AGFG1: variants seen among roughly 807,000 people sequenced by gnomAD.
The protein encoded by AGFG1 is ArfGAP with FG repeats 1, also known as arf-GAP domain and FG repeat-containing protein 1.
Under a neutral mutation model 60.6 loss-of-function variants are expected in AGFG1, and 10 were observed. The observed-to-expected ratio is 0.16, with a 90% confidence interval of 0.10 to 0.28. The LOEUF is 0.28. Ranked by LOEUF, AGFG1 falls within the 10% of genes least tolerant of loss-of-function variation. AGFG1 has a pLI of 1.00. For synonymous variants in AGFG1, 247 were observed against 242.9 expected, an observed-to-expected ratio of 1.02 and a Z score of -0.16; for missense variants, 537 against 676.5, an observed-to-expected ratio of 0.79 and a Z score of 2.29.
At chr2:227,533,837 A>G (rs976207102) in intron 7 of AGFG1, 79 bp downstream of exon 7, 50 of 1,286,452 alleles carry the variant, frequency 3.9e-5, no homozygotes, top group Non-Finnish European at 5.1e-5. Flanking sequence ...TAAAATCTGA[A>G]CATGCTACAC....
At position 227,472,272 on chromosome 2, in the gene AGFG1, A is replaced by G; in HGVS notation, c.-150A>G. 3.1e-6 allele frequency: 1 copy of G among 327,516 alleles called. No homozygotes were observed. Among genetic ancestry groups the G allele is most frequent in the Non-Finnish European group, 4.4e-6 (1 of 229,072 alleles). 20.3% of individuals were successfully genotyped at this position (327,516 alleles called of 1,614,324 possible). ...GCCCGGGCCGCGTCGAGCCCAGTACAGCCAAGCCGCTGCGGCCGGGTCCGG... is the reference window on the plus strand; with the variant it reads ...GCCCGGGCCGCGTCGAGCCCAGTACGGCCAAGCCGCTGCGGCCGGGTCCGG... On this transcript the variant is annotated 5_prime_UTR_variant, in exon 1 of 13. Transcript: ENST00000310078.
intron 1 of AGFG1, among the ~76,000 whole-genome samples, chr2:227,480,446 C>T (rs1269056626): frequency 2.0e-5 from 3 of 151,956 alleles, no homozygotes; most frequent in Admixed American, 1.3e-4. Flanking sequence ...ATCTCCCAGG[C>T]TGGAGTGCAG....
chr2:227,552,295 A>T (rs78482555), intron 11 of AGFG1, among the ~76,000 whole-genome samples, 178 bp downstream of exon 11: 7,872 of 152,278 alleles, frequency 0.052, 267 homozygotes, highest in African/African-American at 0.082. Context: ...GTGATTTTAC[A>T]AGTTTTTGTG....
chr2:227,480,377 C>T (rs1013458501), intron 1 of AGFG1, among the ~76,000 whole-genome samples: 1 of 151,824 alleles, frequency 6.6e-6, no homozygotes, highest in South Asian at 2.1e-4. Context: ...TCCAAAAATT[C>T]TTGTCTTTCC....
intron 2 of AGFG1, among the ~76,000 whole-genome samples, chr2:227,511,649 AAGAG>A (rs1331830121): frequency 6.6e-6 from 1 of 152,208 alleles, no homozygotes; most frequent in Non-Finnish European, 1.5e-5. Context: ...CAAAAGAAAA[AAGAG>A]AATTTCTATT....
intron 2 of AGFG1, among the ~76,000 whole-genome samples, chr2:227,495,065 GTGTT>G (rs1393275933): frequency 6.6e-6 from 1 of 152,184 alleles, no homozygotes; most frequent in Non-Finnish European, 1.5e-5. Context: ...CTTCTACAGT[GTGTT>G]TGGTGGAGGA....
chr2:227,491,579 C>A lies in AGFG1; in HGVS notation c.200C>A (p.Ser67Tyr). The A allele has an allele frequency of 6.4e-7, 1 of 1,565,574 alleles. No individual in the cohort carries two copies. The highest frequency in any genetic ancestry group is 1.2e-5 in the South Asian group (1 of 80,348). ...RGLNPPHRVK[S>Y]ISMTTFTQQE... is the part of the protein sequence containing the mutation. ...TTAAATCCACCACACAGGGTGAAAT[C>A]TATCTCCATGACAACATTCACACAA... is the stretch of plus-strand genomic sequence containing the variant. The change falls in exon 2 of 13, where the codon TCT (serine) becomes TAT (tyrosine). Residue 67 changes from serine to tyrosine, a missense_variant. This residue lies in a region of AGFG1 where 120 missense variants were observed against 198.5 expected (regional missense o/e 0.60). Coordinates refer to ENST00000310078, the MANE Select transcript of AGFG1 (RefSeq NM_004504.5).
rs564879483 is a variant in AGFG1, at chr2:227,485,152, A to T, written c.168-6395A>T. ...CCATGGTCTTCTCCCTTCCATTGAG[A>T]AGTCTACTACGAGCCAAATTTTGTT... On this transcript the variant is annotated intron_variant, in intron 1 of 12. Coordinates refer to ENST00000310078, the MANE Select transcript of AGFG1 (RefSeq NM_004504.5). 1.1e-4 allele frequency among the ~76,000 whole-genome samples: 17 copies of T among 152,120 alleles called. No individual in the cohort carries two copies. In the East Asian group the frequency reaches 3.3e-3, roughly 29 times the overall value.
intron 10 of AGFG1, among the ~76,000 whole-genome samples, chr2:227,549,358 A>G (rs1034886020): frequency 2.6e-5 from 4 of 152,224 alleles, no homozygotes; most frequent in East Asian, 1.9e-4. Flanking sequence ...CCGAACAAAC[A>G]AAAGGTACTA....
At chr2:227,479,106 A>G (rs1411662901) in intron 1 of AGFG1, among the ~76,000 whole-genome samples, 1 of 152,246 alleles carries the variant, frequency 6.6e-6, no homozygotes, top group African/African-American at 2.4e-5. Flanking sequence ...TTCATTGTGC[A>G]GTAGGCATTA....
chr2:227,475,156 A>T (rs930172995), intron 1 of AGFG1, among the ~76,000 whole-genome samples: 2 of 152,220 alleles, frequency 1.3e-5, no homozygotes, highest in Admixed American at 1.3e-4. Flanking sequence ...TGGTTTAAAA[A>T]TATGAAGGGT....
chr2:227,480,148 T>A (rs1404840006), intron 1 of AGFG1, among the ~76,000 whole-genome samples: 1 of 152,210 alleles, frequency 6.6e-6, no homozygotes, highest in Non-Finnish European at 1.5e-5. Context: ...GAGGAACATT[T>A]GCAGGAACCA....
At chr2:227,482,814 C>A (rs1483464561) in intron 1 of AGFG1, among the ~76,000 whole-genome samples, 1 of 152,164 alleles carries the variant, frequency 6.6e-6, no homozygotes, top group Non-Finnish European at 1.5e-5. Flanking sequence ...TGGTTACAGT[C>A]ATACCTGGGT....
intron 10 of AGFG1, among the ~76,000 whole-genome samples, chr2:227,539,954 G>A (rs971127089): frequency 1.3e-5 from 2 of 152,026 alleles, no homozygotes; most frequent in African/African-American, 4.8e-5. Flanking sequence ...TCATGACTCA[G>A]CCTCCTGAGT....
rs775288743 is a variant in AGFG1 at position 227,552,015 on chromosome 2, C to A, written c.1435C>A (p.Pro479Thr). 5 of 1,614,170 alleles carry A rather than the reference C, an allele frequency of 3.1e-6. No individual in the cohort carries two copies. The Admixed American group carries it at 8.3e-5, about 27-fold the overall frequency. ...SMPTGFGTPA[P>T]YSLPTSFSGS... ...GCCCACAGGATTCGGCACTCCTGCT[C>A]CCTACAGTCTTCCCACCAGCTTTAG... Residue 479 changes from proline to threonine, a missense_variant, in exon 11 of 13, where the codon CCC becomes ACC. Pro to Thr is a conservative substitution (Grantham distance 38). Transcript: ENST00000310078.
At chr2:227,553,002 A>G (rs920612056) in intron 11 of AGFG1, among the ~76,000 whole-genome samples, 25 of 128,640 alleles carry the variant, frequency 1.9e-4, no homozygotes, top group Non-Finnish European at 1.4e-4. Context: ...TTCCATCTCA[A>G]AAAAAAAAAA....
In AGFG1 at chr2:227,551,983, T is replaced by C. The variant is rs374416777; in HGVS notation, c.1403T>C (p.Met468Thr). Reference protein sequence around the residue: ...ATAATFGTASMSMPTGFGTPA... With the variant: ...ATAATFGTASTSMPTGFGTPA... ...GCGGCAACCTTTGGCACTGCATCCATGAGCATGCCCACAGGATTCGGCACT... is the reference window on the plus strand; with the variant it reads ...GCGGCAACCTTTGGCACTGCATCCACGAGCATGCCCACAGGATTCGGCACT... Residue 468 changes from methionine (M) to threonine (T), a missense_variant, in exon 11 of 13, where the codon ATG (methionine) becomes ACG (threonine). Physicochemically the swap from Met to Thr is moderately conservative, Grantham distance 81. Transcript: ENST00000310078. The C allele has an allele frequency of 6.8e-6, 11 of 1,614,098 alleles. No individual in the cohort carries two copies. Among genetic ancestry groups the C allele is most frequent in the African/African-American group, 1.3e-5 (1 of 74,942 alleles).
rs1203199380 is a variant in AGFG1 at position 227,557,918 on chromosome 2, A to G, written c.*3423A>G. ...TTTCAAAGAAAGGGTTGTAGGGACCATTAAGGGTCTCCAGACTCTTTGAGA... is the reference window on the plus strand; with the variant it reads ...TTTCAAAGAAAGGGTTGTAGGGACCGTTAAGGGTCTCCAGACTCTTTGAGA... On this transcript the variant is annotated 3_prime_UTR_variant, in exon 13 of 13. Coordinates refer to ENST00000310078, the MANE Select transcript of AGFG1 (RefSeq NM_004504.5). 2.0e-5 allele frequency: 3 copies of G among 152,222 alleles called. No homozygotes were observed. In the East Asian group the frequency reaches 5.8e-4, roughly 29 times the overall value. 9.4% of individuals were successfully genotyped at this position (152,222 alleles called of 1,614,324 possible).
chr2:227,509,928 A>G (rs1030272012), intron 2 of AGFG1, among the ~76,000 whole-genome samples: 4 of 152,222 alleles, frequency 2.6e-5, no homozygotes, highest in Non-Finnish European at 5.9e-5. Context: ...AGATAAAACA[A>G]GGAAACTCGT....
Sources: allele counts gnomAD v4.1 joint callset (sites outside exome capture counted in the v4.1 genomes callset), GRCh38; gene constraint gnomAD v4.1.1; regional missense constraint gnomAD v4.1.1; transcripts MANE v1.5; gene names NCBI Gene and HGNC (gene_info 2026-07-23, HGNC 2026-07-21).